RIMS2: variants seen among roughly 807,000 people sequenced by gnomAD.
RIMS2 encodes regulating synaptic membrane exocytosis protein 2.
Under a neutral mutation model 174.4 loss-of-function variants are expected in RIMS2, and 59 were observed. The observed-to-expected ratio is 0.34, with a 90% CI of 0.27 to 0.42. RIMS2 has a LOEUF of 0.42. Ranked by LOEUF, RIMS2 falls within the 10% of genes least tolerant of loss-of-function variation. The pLI is 1.00. For synonymous variants in RIMS2, 606 were observed against 572.5 expected, an observed-to-expected ratio of 1.06 and a Z score of -0.84; for missense variants, 1,620 against 1,666.3, an observed-to-expected ratio of 0.97 and a Z score of 0.48.
chr8:103,685,217 C>T (rs1172775335), intron 1 of RIMS2, among the ~76,000 whole-genome samples: 1 of 151,846 alleles, frequency 6.6e-6, no homozygotes. Context: ...CATGGTTCTG[C>T]AAGCTGTACA....
chr8:103,641,171 C>A (rs1201704041), intron 1 of RIMS2, among the ~76,000 whole-genome samples: 1 of 151,992 alleles, frequency 6.6e-6, no homozygotes, highest in African/African-American at 2.4e-5. Context: ...GATACTCTAG[C>A]TTTTGTTTAT....
At chr8:103,666,647 G>C (rs967597058) in intron 1 of RIMS2, among the ~76,000 whole-genome samples, 2 of 152,066 alleles carry the variant, frequency 1.3e-5, no homozygotes, top group Non-Finnish European at 2.9e-5. Context: ...CTTCTTTAAA[G>C]TTTCAATTTG....
intron 2 of RIMS2, among the ~76,000 whole-genome samples, chr8:103,754,466 T>C (rs1341021021): frequency 6.6e-6 from 1 of 152,182 alleles, no homozygotes; most frequent in Non-Finnish European, 1.5e-5. Context: ...AGAGCTGAGT[T>C]CAATTCCTGG....
chr8:103,828,895 TG>T (rs1472710638), intron 3 of RIMS2, among the ~76,000 whole-genome samples: 17 of 152,172 alleles, frequency 1.1e-4, no homozygotes, highest in African/African-American at 2.7e-4. Flanking sequence ...GCTTTACTTC[TG>T]GGTTCTGTAA....
At chr8:104,040,468 C>G (rs545941133) in intron 19 of RIMS2, among the ~76,000 whole-genome samples, 1 of 151,682 alleles carries the variant, frequency 6.6e-6, no homozygotes, top group African/African-American at 2.4e-5. Context: ...ATTTGAACTT[C>G]TTCACTAGCA....
Position 104,182,629 on chromosome 8 carries a change from G to T in RIMS2, c.3335-62287G>T, listed in dbSNP as rs146988633. Among the ~76,000 whole-genome samples, 286 of 151,834 alleles carry T rather than the reference G, an allele frequency of 1.9e-3. 2 individuals are homozygous for T. Among genetic ancestry groups the T allele is most frequent in the African/African-American group, 6.4e-3 (264 of 41,474 alleles). Reference sequence around the variant, plus strand: ...TATTCTGGGCTTTCATACAAATGGAGTCATATAGTATGTGGTGTCTTTGAC... The same window carrying T: ...TATTCTGGGCTTTCATACAAATGGATTCATATAGTATGTGGTGTCTTTGAC... On this transcript the variant is annotated intron_variant, in intron 19 of 23. Coordinates refer to ENST00000504942, the Ensembl canonical transcript of RIMS2.
chr8:104,040,002 G>A (rs1453964515), intron 19 of RIMS2, among the ~76,000 whole-genome samples: 1 of 151,434 alleles, frequency 6.6e-6, no homozygotes, highest in African/African-American at 2.4e-5. Flanking sequence ...TTCTTTTCCA[G>A]TTTTCTATAA....
chr8:103,666,838 T>G (rs1050104103), intron 1 of RIMS2, among the ~76,000 whole-genome samples: 5 of 152,176 alleles, frequency 3.3e-5, no homozygotes, highest in African/African-American at 9.7e-5. Context: ...AGCACTACTC[T>G]TAGTTACCAT....
intron 1 of RIMS2, among the ~76,000 whole-genome samples, chr8:103,520,690 G>A (rs1831235925): frequency 6.6e-6 from 1 of 151,932 alleles, no homozygotes; most frequent in African/African-American, 2.4e-5. Flanking sequence ...CCCTGCTATG[G>A]ACTTACCATG....
rs527629440 is a variant in RIMS2, at chr8:104,047,525, T to C, written c.3334+32910T>C. Among the ~76,000 whole-genome samples, 271 of 152,188 alleles carry C rather than the reference T, an allele frequency of 1.8e-3. 1 individual carries two copies. The highest frequency in any genetic ancestry group is 2.6e-3 in the Non-Finnish European group (177 of 67,958). ...TCCTCATCTGTAAAATGGGAATAAT[T>C]ATAGTACTACCTCAAATGGTTATTG... On this transcript the variant is annotated intron_variant, in intron 19 of 23. Coordinates refer to ENST00000504942, the Ensembl canonical transcript of RIMS2.
chr8:103,556,780 GA>G (rs573933803), intron 1 of RIMS2, among the ~76,000 whole-genome samples: 1 of 151,592 alleles, frequency 6.6e-6, no homozygotes, highest in African/African-American at 2.4e-5. Context: ...ATTTCTATAG[GA>G]AAAAAAATAC....
chr8:103,812,999 T>A (rs1331110234), intron 3 of RIMS2, among the ~76,000 whole-genome samples: 2 of 152,212 alleles, frequency 1.3e-5, no homozygotes, highest in African/African-American at 4.8e-5. Flanking sequence ...TAGATGGGAC[T>A]ACAGATATAA....
chr8:104,155,697 G>A lies in RIMS2; in HGVS notation c.3335-89219G>A, dbSNP rs1235132556. Among the ~76,000 whole-genome samples the A allele has an allele frequency of 2.0e-5, 3 of 152,224 alleles. No homozygotes were observed. The East Asian group carries it at 5.8e-4, about 29-fold the overall frequency. ...CAAAGTGCTGGGATTACAGGCATGAGCCACTGCGCCGGCCTTGGGGGTGTT... is the reference window on the plus strand; with the variant it reads ...CAAAGTGCTGGGATTACAGGCATGAACCACTGCGCCGGCCTTGGGGGTGTT... On this transcript the variant is annotated intron_variant, in intron 19 of 23. Transcript: ENST00000504942.
chr8:104,214,803 G>T (rs72685048), intron 19 of RIMS2, among the ~76,000 whole-genome samples: 30,887 of 152,078 alleles, frequency 0.2, 3,395 homozygotes, highest in Middle Eastern at 0.26. Flanking sequence ...GCGTAGATTG[G>T]TTCCTGAGTT....
chr8:103,794,791 C>G (rs201729300), intron 3 of RIMS2, among the ~76,000 whole-genome samples: 3 of 152,092 alleles, frequency 2.0e-5, no homozygotes, highest in African/African-American at 4.8e-5. Flanking sequence ...AACAGACACT[C>G]CTCAAAAGAA....
At chr8:103,505,742 C>T (rs1233938284) in intron 1 of RIMS2, among the ~76,000 whole-genome samples, 2 of 152,126 alleles carry the variant, frequency 1.3e-5, no homozygotes, top group Admixed American at 6.5e-5. Context: ...TTCCCACATC[C>T]TCGCCAACTC....
At chr8:103,633,063 G>T (rs1404496395) in intron 1 of RIMS2, among the ~76,000 whole-genome samples, 3 of 146,108 alleles carry the variant, frequency 2.1e-5, no homozygotes, top group Non-Finnish European at 4.5e-5. Context: ...GTCTTGCTGT[G>T]TCACCCAGGC....
intron 3 of RIMS2, among the ~76,000 whole-genome samples, chr8:103,844,671 A>G (rs2154489216): frequency 6.6e-6 from 1 of 152,268 alleles, no homozygotes; most frequent in South Asian, 2.1e-4. Context: ...ATTTTTTCCT[A>G]AAAACGGTAA....
At position 103,673,618 on chromosome 8, in the gene RIMS2, C is replaced by T. The variant is rs936484444; in HGVS notation, c.177-23468C>T. On this transcript the variant is annotated intron_variant, in intron 1 of 23. Transcript: ENST00000504942. ...CTAGAGCAGCCAGCATGCCAGGTGCCATGTCTTGAGGTGGCACAGGGTAGT... is the reference window on the plus strand; with the variant it reads ...CTAGAGCAGCCAGCATGCCAGGTGCTATGTCTTGAGGTGGCACAGGGTAGT... Among the ~76,000 whole-genome samples, 25 of 152,180 alleles carry T rather than the reference C, an allele frequency of 1.6e-4. No homozygotes were observed. The East Asian group carries it at 4.4e-3, about 27-fold the overall frequency.
Sources: allele counts gnomAD v4.1 joint callset (sites outside exome capture counted in the v4.1 genomes callset), GRCh38; gene constraint gnomAD v4.1.1; transcripts MANE v1.5; gene names NCBI Gene and HGNC (gene_info 2026-07-23, HGNC 2026-07-21).